The following TMPRSS4 variants were observed in gnomAD, a reference collection of about 807,000 sequenced individuals.
TMPRSS4 encodes transmembrane serine protease 4, also known as transmembrane protease serine 4.
A neutral mutation model predicts 56.4 loss-of-function variants in TMPRSS4; 45 were observed. The observed-to-expected ratio is 0.80, with a 90% CI of 0.63 to 1.02. The LOEUF is 1.02. Ranked by LOEUF, TMPRSS4 falls within the 50% of genes least tolerant of loss-of-function variation. TMPRSS4 has a pLI of 0.00. For missense variants in TMPRSS4, 546 were observed against 556.7 expected (o/e 0.98, Z 0.19); for synonymous variants, 205 against 211.0 (o/e 0.97, Z 0.25).
chr11:118,103,068 C>A, intron 3 of TMPRSS4, 33 bp from the exon 4 acceptor site: 1 of 1,611,604 alleles, frequency 6.2e-7, no homozygotes. Flanking sequence ...TGACCCTCAG[C>A]CCTCTCTGCC....
At chr11:118,117,137 G>C (rs1476822998) in intron 11 of TMPRSS4, among the ~76,000 whole-genome samples, 168 bp from the exon 12 acceptor site, 1 of 152,224 alleles carries the variant, frequency 6.6e-6, no homozygotes, top group East Asian at 1.9e-4. Context: ...TTCTGCCCCA[G>C]AAGAGAAGAC....
chr11:118,079,256 T>C lies in TMPRSS4; in HGVS notation c.3+1951T>C, dbSNP rs76457028. ...CCTTGACAGCCATAGCTCCCAGCCC[T>C]GAGGGGAGGATGGGATCTCCACACC... On this transcript the variant is annotated intron_variant, in intron 1 of 12. Transcript: ENST00000437212. Among the ~76,000 whole-genome samples the C allele has an allele frequency of 4.1e-3, 623 of 152,242 alleles. 3 individuals are homozygous for C. Among genetic ancestry groups the C allele is most frequent in the African/African-American group, 0.014 (586 of 41,530 alleles).
chr11:118,085,445 A>C (rs1945473555), intron 1 of TMPRSS4, among the ~76,000 whole-genome samples: 1 of 152,028 alleles, frequency 6.6e-6, no homozygotes, highest in Non-Finnish European at 1.5e-5. Context: ...GGCTGGTCTC[A>C]AACTCCTGGC....
intron 1 of TMPRSS4, among the ~76,000 whole-genome samples, chr11:118,081,341 G>C (rs1328606577): frequency 6.6e-6 from 1 of 152,216 alleles, no homozygotes; most frequent in East Asian, 1.9e-4. Context: ...GGGGAAGAGT[G>C]GGGCAGAGCC....
At chr11:118,117,593 G>A (rs1311222560) in intron 12 of TMPRSS4, 139 bp downstream of exon 12, 6 of 1,482,746 alleles carry the variant, frequency 4.0e-6, no homozygotes, top group Non-Finnish European at 5.4e-6. Context: ...GCAAGGGACA[G>A]CCTGAGATTG....
At chr11:118,104,579 G>A in intron 4 of TMPRSS4, 112 bp from the exon 5 acceptor site, 1 of 1,517,314 alleles carries the variant, frequency 6.6e-7, no homozygotes, top group Non-Finnish European at 8.9e-7. Flanking sequence ...GGGGCTCTGT[G>A]GCACCCCCAG....
intron 3 of TMPRSS4, among the ~76,000 whole-genome samples, chr11:118,101,686 C>T (rs1048012827): frequency 4.6e-5 from 7 of 152,010 alleles, no homozygotes; most frequent in Admixed American, 2.0e-4. Context: ...ACTATGTTGC[C>T]GAGACTGATC....
chr11:118,097,889 G>A (rs531893826), intron 2 of TMPRSS4, among the ~76,000 whole-genome samples: 13 of 152,240 alleles, frequency 8.5e-5, no homozygotes, highest in African/African-American at 2.2e-4. Context: ...TCCTGCCTCC[G>A]TCTTCCAAGT....
At chr11:118,106,917 G>T (rs1282696633) in intron 5 of TMPRSS4, 1 of 152,184 alleles carries the variant, frequency 6.6e-6, no homozygotes, top group Non-Finnish European at 1.5e-5. Context: ...CTCTTAAAAT[G>T]CACTCTAGTC....
chr11:118,111,600 C>T (rs1031620959), intron 7 of TMPRSS4, 141 bp from the exon 8 acceptor site: 19 of 579,534 alleles, frequency 3.3e-5, no homozygotes, highest in Non-Finnish European at 4.6e-5. Context: ...CCATGAATAT[C>T]TCATATTGGG....
Position 118,119,092 on chromosome 11 carries a change from T to C in TMPRSS4, c.*1179T>C, listed in dbSNP as rs1947701839. The C allele has an allele frequency of 1.4e-5, 14 of 985,324 alleles. No homozygotes were observed. Among genetic ancestry groups the C allele is most frequent in the Non-Finnish European group, 1.7e-5 (14 of 829,948 alleles). The allele number at this position is 985,324 out of a possible 1,614,324, so 61.0% of individuals were successfully genotyped here. A position where few individuals can be genotyped will look rare whatever the true frequency, so the allele number is the denominator to read the frequency against. On this transcript the variant is annotated 3_prime_UTR_variant, in exon 13 of 13. Transcript: ENST00000437212. ...ACTTGTTCATACTGTACTAGGTTCTTAGGAAACAACAGAATTCCTCAAATG... is the reference window on the plus strand; with the variant it reads ...ACTTGTTCATACTGTACTAGGTTCTCAGGAAACAACAGAATTCCTCAAATG...
chr11:118,108,878 G>A lies in TMPRSS4; in HGVS notation c.565G>A (p.Val189Ile). Residue 189 changes from valine (V) to isoleucine (I), a missense_variant, in exon 7 of 13, where the codon GTC (valine) becomes ATC (isoleucine). Val to Ile is a conservative substitution (Grantham distance 29, BLOSUM62 3). Coordinates refer to ENST00000437212, the MANE Select transcript of TMPRSS4 (RefSeq NM_019894.4). ...CAGGCCCTGTCTCTCAGGCTCCCTG[G>A]TCTCCCTGCACTGTCTTGGTGAGTA... ...SSGPCLSGSL[V>I]SLHCLACGKS... 6.2e-7 allele frequency: 1 copy of A among 1,614,110 alleles called. No homozygotes were observed. Among genetic ancestry groups the A allele is most frequent in the Non-Finnish European group, 8.5e-7 (1 of 1,179,992 alleles).
chr11:118,122,084 C>A (rs1947807861), downstream of TMPRSS4, among the ~76,000 whole-genome samples: 1 of 151,720 alleles, frequency 6.6e-6, no homozygotes, highest in Admixed American at 6.6e-5. Context: ...ATACATCAAG[C>A]AAGTACAAAA....
chr11:118,082,402 G>C (rs1945204853), intron 1 of TMPRSS4, among the ~76,000 whole-genome samples: 1 of 151,912 alleles, frequency 6.6e-6, no homozygotes, highest in South Asian at 2.1e-4. Context: ...CTCTACTAAA[G>C]ATATAAACAT....
At chr11:118,077,383 A>G (rs1198259048) in intron 1 of TMPRSS4, 78 bp downstream of exon 1, 189 of 1,477,226 alleles carry the variant, frequency 1.3e-4, no homozygotes, top group Non-Finnish European at 4.3e-5. Context: ...CAGCCTGAGC[A>G]TCCATCAGCT....
chr11:118,112,040 G>T (rs1947304300), intron 8 of TMPRSS4, 140 bp downstream of exon 8: 1 of 1,219,950 alleles, frequency 8.2e-7, no homozygotes, highest in East Asian at 2.9e-5. Flanking sequence ...GCCCCAATGA[G>T]ACAATGGCCA....
Position 118,111,797 on chromosome 11 carries a change from G to A in TMPRSS4, c.640G>A (p.Asp214Asn). The A allele has an allele frequency of 6.2e-7, 1 of 1,604,694 alleles. No individual in the cohort carries two copies. Residue 214 changes from aspartate to asparagine, a missense_variant, in exon 8 of 13, where the codon GAT becomes AAT. Coordinates refer to ENST00000437212, the MANE Select transcript of TMPRSS4 (RefSeq NM_019894.4). ...RVVGVEEASV[D>N]SWPWQVSIQY... ...GGTGGGTGTGGAGGAGGCCTCTGTG[G>A]ATTCTTGGCCTTGGCAGGTCAGCAT... is the stretch of plus-strand genomic sequence containing the variant.
chr11:118,108,753 G>A, intron 6 of TMPRSS4, 103 bp from the exon 7 acceptor site: 1 of 1,110,058 alleles, frequency 9.0e-7, no homozygotes, highest in Non-Finnish European at 1.3e-6. Context: ...ACATTCCCGA[G>A]GTATTGGGAG....
At chr11:118,085,913 T>C (rs1423318356) in intron 1 of TMPRSS4, among the ~76,000 whole-genome samples, 2 of 152,220 alleles carry the variant, frequency 1.3e-5, no homozygotes, top group Admixed American at 1.3e-4. Flanking sequence ...AAAGTAGAGC[T>C]GTTGAGAGTT....
Sources: gnomAD v4.1 joint callset for allele counts (sites outside exome capture counted in the v4.1 genomes callset) on GRCh38, gnomAD v4.1.1 for gene constraint, MANE v1.5 for transcripts, NCBI Gene and HGNC (gene_info 2026-07-23, HGNC 2026-07-21) for gene names.